The following BRF1 variants were observed in gnomAD, a reference collection of about 807,000 sequenced individuals.
BRF1 encodes BRF1 general transcription factor IIIB subunit, also known as transcription factor IIIB 90 kDa subunit.
BRF1 carries 59 observed loss-of-function variants against 81.7 expected under a neutral mutation model. The ratio of observed to expected loss-of-function variants is 0.72; its 90% CI spans 0.59 to 0.90. The LOEUF is 0.90. Ranked by LOEUF, BRF1 falls within the 40% of genes least tolerant of loss-of-function variation. The pLI is 0.00. For synonymous variants in BRF1, 491 were observed against 395.6 expected (o/e 1.24, Z -2.86); for missense variants, 1,050 against 936.3 (o/e 1.12, Z -1.58).
intron 3 of BRF1, among the ~76,000 whole-genome samples, chr14:105,257,447 C>T (rs1474490051): frequency 1.3e-5 from 2 of 152,228 alleles, no homozygotes; most frequent in African/African-American, 4.8e-5. Flanking sequence ...GGCCCCTGAC[C>T]TCTCTTGCAA....
In BRF1 at chr14:105,267,700, A is replaced by G. The variant is rs587670142; in HGVS notation, c.439+5021T>C. The stretch of plus-strand genomic sequence containing the variant: ...CTAATACCTTCTTCTGACCACTTAA[A>G]CTGTTATAAATGCCCTGTCCTTGAG... On this transcript the variant is annotated intron_variant, in intron 3 of 17. Coordinates refer to ENST00000547530, the MANE Select transcript of BRF1 (RefSeq NM_001519.4). Among the ~76,000 whole-genome samples, 4 of 152,268 alleles carry G rather than the reference A, an allele frequency of 2.6e-5. No individual in the cohort carries two copies. In the South Asian group the frequency reaches 8.3e-4, roughly 32 times the overall value.
intron 15 of BRF1, among the ~76,000 whole-genome samples, chr14:105,214,992 G>A (rs1310573358): frequency 6.6e-6 from 1 of 152,226 alleles, no homozygotes; most frequent in East Asian, 1.9e-4. Context: ...AACTGCCTGA[G>A]CTGCCCAGGC....
At chr14:105,291,400 G>C (rs2057503852) in intron 1 of BRF1, among the ~76,000 whole-genome samples, 1 of 152,254 alleles carries the variant, frequency 6.6e-6, no homozygotes, top group Non-Finnish European at 1.5e-5. Context: ...CTGGGGGCGG[G>C]CTCAGTGGCT....
rs769999789 is a variant in BRF1 at position 105,211,282 on chromosome 14, T to C, written c.1836A>G (p.Pro612=). The C allele has an allele frequency of 1.9e-6, 3 of 1,599,364 alleles. No homozygotes were observed. Among genetic ancestry groups the C allele is most frequent in the South Asian group, 1.1e-5 (1 of 90,122 alleles). The stretch of plus-strand genomic sequence containing the variant: ...GCTCAGCTCCGAGGGTGGGAGAGCT[T>C]GGGAGCAAAGCCTGGAACGAAGTGG... The part of the protein sequence containing the change: ...KKVATGEALL[P]SSPTLGAEPA... Residue 612 remains proline, a synonymous_variant, in exon 17 of 18, where the codon CCA becomes CCG. Transcript: ENST00000547530.
At chr14:105,227,085 C>A in intron 7 of BRF1, 1 of 285,438 alleles carries the variant, frequency 3.5e-6, no homozygotes, top group Non-Finnish European at 6.6e-6. Flanking sequence ...CACTGGCCTC[C>A]AGCCTGGGCA....
chr14:105,265,900 C>CAAAAA (rs34375627), intron 3 of BRF1, among the ~76,000 whole-genome samples: 2 of 75,674 alleles, frequency 2.6e-5, no homozygotes, highest in Non-Finnish European at 2.5e-5. Context: ...GACTCCCTCT[C>CAAAAA]AAAAAAAAAA....
rs372712821 is a variant in BRF1 at position 105,264,734 on chromosome 14, T to C, written c.439+7987A>G. 6.8e-5 allele frequency among the ~76,000 whole-genome samples: 10 copies of C among 148,100 alleles called. No individual in the cohort carries two copies. The South Asian group carries it at 2.2e-3, about 32-fold the overall frequency. On this transcript the variant is annotated intron_variant, in intron 3 of 17. Coordinates refer to ENST00000547530, the MANE Select transcript of BRF1 (RefSeq NM_001519.4). ...CGCATACCTGTAGTCCCAACTACTATGGAGGCTGAGGTGAGAGGATTGCTC... is the reference window on the plus strand; with the variant it reads ...CGCATACCTGTAGTCCCAACTACTACGGAGGCTGAGGTGAGAGGATTGCTC...
chr14:105,255,843 G>C (rs1317549824), intron 4 of BRF1, among the ~76,000 whole-genome samples: 2 of 152,188 alleles, frequency 1.3e-5, no homozygotes, highest in African/African-American at 4.8e-5. Flanking sequence ...ATGCATGCAA[G>C]AGGCCAGGTA....
At chr14:105,314,490 G>A (rs1465805082) in intron 1 of BRF1, 1 of 148,376 alleles carries the variant, frequency 6.7e-6, no homozygotes, top group Non-Finnish European at 1.5e-5. Flanking sequence ...GGCGGGGTCT[G>A]TGCGCAGGCG....
At chr14:105,258,447 C>T (rs1049525994) in intron 3 of BRF1, among the ~76,000 whole-genome samples, 1 of 150,976 alleles carries the variant, frequency 6.6e-6, no homozygotes, top group Non-Finnish European at 1.5e-5. Context: ...CGAGATGGCG[C>T]CACCGCACTC....
chr14:105,221,646 A>G lies in BRF1; in HGVS notation c.1315+2T>C. 1 of 1,608,834 alleles carries G rather than the reference A, an allele frequency of 6.2e-7. No individual in the cohort carries two copies. Among genetic ancestry groups the G allele is most frequent in the Non-Finnish European group, 8.5e-7 (1 of 1,179,004 alleles). ...GTCCCCCAGGGCCCCATCAGAACTC[A>G]CTGGGGTCGCTGCTCTGAGAGGAGA... is the stretch of plus-strand genomic sequence containing the variant. On this transcript the variant is annotated splice_donor_variant, in intron 11 of 17. Transcript: ENST00000547530. LOFTEE classifies it high-confidence loss of function.
rs773768880 is a variant in BRF1 at position 105,226,671 on chromosome 14, G to C, written c.878C>G (p.Ser293Trp). The C allele has an allele frequency of 6.2e-7, 1 of 1,613,392 alleles. No homozygotes were observed. The highest frequency in any genetic ancestry group is 1.1e-5 in the South Asian group (1 of 91,084). The stretch of plus-strand genomic sequence containing the variant: ...CAGCTTCCTCTGCCCAGCTGTGTAC[G>C]AGGGGGGGTCGCACTCCTCCTCCAG... ...IDLEEECDPP[S>W]YTAGQRKLRM... The change falls in exon 8 of 18, where the codon TCG (serine) becomes TGG (tryptophan). Residue 293 changes from serine to tryptophan, a missense_variant. Ser to Trp is a radical substitution (Grantham distance 177). Transcript: ENST00000547530.
intron 5 of BRF1, among the ~76,000 whole-genome samples, chr14:105,243,998 TCAAA>T (rs1449273955): frequency 3.3e-5 from 5 of 151,836 alleles, no homozygotes; most frequent in Non-Finnish European, 7.4e-5. Flanking sequence ...AGACTCCATC[TCAAA>T]CAAACAAACA....
chr14:105,256,467 C>A (rs757999093), intron 4 of BRF1, 51 bp downstream of exon 4: 2 of 1,613,856 alleles, frequency 1.2e-6, no homozygotes, highest in Non-Finnish European at 1.7e-6. Flanking sequence ...TGGTCACAAC[C>A]CCCAGGTCAC....
At chr14:105,215,361 G>A (rs1890945540) in intron 15 of BRF1, among the ~76,000 whole-genome samples, 1 of 149,502 alleles carries the variant, frequency 6.7e-6, no homozygotes, top group African/African-American at 2.5e-5. Context: ...CATGCACAGA[G>A]AGACACATAG....
In BRF1 at chr14:105,272,799, G is replaced by T. The variant is rs1189537251; in HGVS notation, c.361C>A (p.His121Asn). 1.1e-5 allele frequency: 17 copies of T among 1,613,870 alleles called. No individual in the cohort carries two copies. The highest frequency in any genetic ancestry group is 1.7e-5 in the Admixed American group (1 of 60,000). The change falls in exon 3 of 18, where the codon CAC becomes AAC. Residue 121 changes from histidine to asparagine, a missense_variant. By Grantham distance (68) the His-to-Asn change is moderately conservative. Coordinates refer to ENST00000547530, the MANE Select transcript of BRF1 (RefSeq NM_001519.4). ...GCCATCTTCCGGCCGCGGGTCAGGT[G>T]CCTGCTCACGGCCATCTTGAAGAAG... ...FNFFKMAVSRHLTRGRKMAHV... is the reference protein window; with the variant it reads ...FNFFKMAVSRNLTRGRKMAHV...
intron 2 of BRF1, among the ~76,000 whole-genome samples, chr14:105,280,353 T>C (rs587631503): frequency 6.6e-6 from 1 of 152,316 alleles, no homozygotes; most frequent in South Asian, 2.1e-4. Flanking sequence ...AAAAGATCAA[T>C]GGTTGCTGGA....
In BRF1 at chr14:105,260,679, A is replaced by T. The variant is rs587737490; in HGVS notation, c.440-4130T>A. Among the ~76,000 whole-genome samples, 13 of 152,254 alleles carry T rather than the reference A, an allele frequency of 8.5e-5. No homozygotes were observed. In the East Asian group the frequency reaches 2.3e-3, roughly 27 times the overall value. On this transcript the variant is annotated intron_variant, in intron 3 of 17. Transcript: ENST00000547530. ...ACATAAGCCACCAAGCTCCACAGAA[A>T]ATTTTCTTAATAAAACAATGGGATA...
Position 105,224,535 on chromosome 14 carries a change from T to C in BRF1, c.1048+1534A>G, listed in dbSNP as rs1892787268. Among the ~76,000 whole-genome samples, 8 of 152,180 alleles carry C rather than the reference T, an allele frequency of 5.3e-5. No individual in the cohort carries two copies. The South Asian group carries it at 1.7e-3, about 32-fold the overall frequency. On this transcript the variant is annotated intron_variant, in intron 10 of 17. Transcript: ENST00000547530. ...GGTTGGCAAAACTCATCTTAAAACA[T>C]CCCACTCTGGATTTTGTGTGTGTGT...
Sources: allele counts gnomAD v4.1 joint callset (sites outside exome capture counted in the v4.1 genomes callset), GRCh38; gene constraint gnomAD v4.1.1; transcripts MANE v1.5; gene names NCBI Gene and HGNC (gene_info 2026-07-23, HGNC 2026-07-21).